The following NOL10 variants were observed in gnomAD, a reference collection of about 807,000 sequenced individuals.
NOL10 encodes the protein nucleolar protein 10.
A neutral mutation model predicts 103.5 loss-of-function variants in NOL10; 58 were observed. The observed-to-expected ratio is 0.56, with a 90% CI of 0.45 to 0.70. NOL10 has a LOEUF of 0.70. NOL10 is among the 30% of genes least tolerant of loss of function. The pLI is 0.00. For missense variants in NOL10, 763 were observed against 807.3 expected, an observed-to-expected ratio of 0.95 and a Z score of 0.67; for synonymous variants, 287 against 282.5, an observed-to-expected ratio of 1.02 and a Z score of -0.16.
intron 1 of NOL10, among the ~76,000 whole-genome samples, chr2:10,687,759 T>C (rs965389473): frequency 6.6e-6 from 1 of 152,128 alleles, no homozygotes; most frequent in African/African-American, 2.4e-5. Flanking sequence ...ATCGAGACCA[T>C]ACCGGCCAAC....
intron 12 of NOL10, among the ~76,000 whole-genome samples, chr2:10,650,304 GCGCA>G (rs754819376): frequency 1.4e-4 from 8 of 56,248 alleles, no homozygotes; most frequent in Non-Finnish European, 5.4e-4. Context: ...GGGACTACAG[GCGCA>G]CAGTGCCACT....
intron 1 of NOL10, 84 bp from the exon 2 acceptor site, chr2:10,684,696 T>G: frequency 5.0e-6 from 5 of 1,007,324 alleles, no homozygotes; most frequent in Non-Finnish European, 7.4e-6. Context: ...ATGCTTATAT[T>G]TAAAAATTCA....
chr2:10,623,351 G>A (rs538911827), intron 13 of NOL10, among the ~76,000 whole-genome samples: 3 of 152,172 alleles, frequency 2.0e-5, no homozygotes, highest in Non-Finnish European at 2.9e-5. Flanking sequence ...TGAACGGACC[G>A]GGGCTCGTGG....
At chr2:10,622,732 T>C (rs1329667540) in intron 13 of NOL10, among the ~76,000 whole-genome samples, 1 of 152,108 alleles carries the variant, frequency 6.6e-6, no homozygotes, top group East Asian at 1.9e-4. Context: ...GATGATTTTT[T>C]TTTCTCCAGA....
intron 15 of NOL10, 52 bp from the exon 16 acceptor site, chr2:10,602,926 T>C: frequency 1.1e-5 from 15 of 1,354,104 alleles, no homozygotes; most frequent in Non-Finnish European, 1.6e-5. Flanking sequence ...TTTGGTAATA[T>C]CATTTTCATA....
chr2:10,661,233 G>A lies in NOL10; in HGVS notation c.677+1726C>T, dbSNP rs560325026. Among the ~76,000 whole-genome samples the A allele has an allele frequency of 3.9e-5, 6 of 152,126 alleles. No individual in the cohort carries two copies. In the South Asian group the frequency reaches 6.2e-4, roughly 16 times the overall value. On this transcript the variant is annotated intron_variant, in intron 9 of 20. Transcript: ENST00000381685. ...TGGGATTACAGGCATGCGCCACCAC[G>A]CCCAGCTAATTTTGTATTTTTAGTA... is the stretch of plus-strand genomic sequence containing the variant.
At chr2:10,689,009 C>T (rs887942189) in intron 1 of NOL10, among the ~76,000 whole-genome samples, 2 of 152,200 alleles carry the variant, frequency 1.3e-5, no homozygotes, top group Non-Finnish European at 2.9e-5. Context: ...TATTTGAAAA[C>T]CACTTTCTAA....
intron 12 of NOL10, among the ~76,000 whole-genome samples, chr2:10,645,852 C>T (rs143876661): frequency 3.1e-4 from 47 of 151,882 alleles, no homozygotes; most frequent in African/African-American, 1.1e-3. Flanking sequence ...ACCAAAACCA[C>T]GTCTTGCCAA....
At chr2:10,638,345 A>AACGTC (rs1678439909) in intron 13 of NOL10, among the ~76,000 whole-genome samples, 1 of 150,900 alleles carries the variant, frequency 6.6e-6, no homozygotes, top group South Asian at 2.1e-4. Flanking sequence ...AACGTAACGT[A>AACGTC]ACGTAACGTA....
chr2:10,676,830 G>T (rs1281116480), intron 3 of NOL10, among the ~76,000 whole-genome samples: 1 of 151,746 alleles, frequency 6.6e-6, no homozygotes, highest in African/African-American at 2.4e-5. Context: ...TAGAGACGGG[G>T]TATCACCATG....
intron 13 of NOL10, among the ~76,000 whole-genome samples, chr2:10,626,579 C>T (rs189483971): frequency 6.6e-6 from 1 of 151,976 alleles, no homozygotes; most frequent in Non-Finnish European, 1.5e-5. Context: ...CTAAAGACAT[C>T]GCCACCTAAG....
chr2:10,644,368 C>G lies in NOL10; in HGVS notation c.978G>C (p.Met326Ile). The change falls in exon 13 of 21, where the codon ATG becomes ATC. Residue 326 changes from methionine (M) to isoleucine (I), a missense_variant. Physicochemically the swap from Met to Ile is conservative, Grantham distance 10. Coordinates refer to ENST00000381685, the MANE Select transcript of NOL10 (RefSeq NM_024894.4). ...NDVCLYPNSG[M>I]LLTANETPKM... Reference sequence around the variant, plus strand: ...TGGGGGTTTCATTGGCCGTCAGAAGCATGCCTAAAAATAAATACAATGAAA... The same window carrying G: ...TGGGGGTTTCATTGGCCGTCAGAAGGATGCCTAAAAATAAATACAATGAAA... 1 of 1,534,840 alleles carries G rather than the reference C, an allele frequency of 6.5e-7. No homozygotes were observed. The highest frequency in any genetic ancestry group is 8.8e-7 in the Non-Finnish European group (1 of 1,141,464).
intron 14 of NOL10, among the ~76,000 whole-genome samples, chr2:10,605,433 G>A (rs1294978172): frequency 6.6e-6 from 1 of 152,102 alleles, no homozygotes; most frequent in African/African-American, 2.4e-5. Flanking sequence ...TATATATTAT[G>A]GGGAAATGAT....
rs1676045825 is a variant in NOL10, at chr2:10,602,765, A to G, written c.1332+11T>C. 3 of 1,502,506 alleles carry G rather than the reference A, an allele frequency of 2.0e-6. No homozygotes were observed. The highest frequency in any genetic ancestry group is 2.8e-6 in the Non-Finnish European group (3 of 1,086,688). 93.1% of individuals were successfully genotyped at this position (1,502,506 alleles called of 1,614,324 possible). A position where few individuals can be genotyped will look rare whatever the true frequency, so the allele number is the denominator to read the frequency against. On this transcript the variant is annotated intron_variant, in intron 16 of 20. Transcript: ENST00000381685. ...TTCTCTGATAAATTCAATGGTAAGT[A>G]TAATATTTACCTTTAACTGGACTCT... is the stretch of plus-strand genomic sequence containing the variant.
At position 10,602,975 on chromosome 2, in the gene NOL10, C is replaced by T. The variant is rs1676059474; in HGVS notation, c.1234-101G>A. 4.9e-6 allele frequency: 6 copies of T among 1,218,672 alleles called. No homozygotes were observed. In the South Asian group the frequency reaches 7.9e-5, roughly 16 times the overall value. The allele number at this position is 1,218,672 out of a possible 1,614,324, so 75.5% of individuals were successfully genotyped here. ...TTATGCCAAAGAACAGGCAGATCCC[C>T]TACAAATCCTATGTATGATTTATGA... On this transcript the variant is annotated intron_variant, in intron 15 of 20. Transcript: ENST00000381685.
At chr2:10,641,297 T>C (rs1016995089) in intron 13 of NOL10, among the ~76,000 whole-genome samples, 1 of 151,858 alleles carries the variant, frequency 6.6e-6, no homozygotes, top group African/African-American at 2.4e-5. Context: ...GAGCCGAGAT[T>C]GTGCCACTGC....
intron 17 of NOL10, among the ~76,000 whole-genome samples, chr2:10,596,905 C>G (rs2148177499): frequency 6.6e-6 from 1 of 152,316 alleles, no homozygotes; most frequent in Non-Finnish European, 1.5e-5. Flanking sequence ...ATGCCCATGC[C>G]TCTCAAAGCT....
chr2:10,672,053 C>T (rs1357560823), intron 5 of NOL10, among the ~76,000 whole-genome samples: 1 of 152,170 alleles, frequency 6.6e-6, no homozygotes, highest in African/African-American at 2.4e-5. Flanking sequence ...CCTGGCCGGG[C>T]ATGGTGGCTC....
At chr2:10,660,132 T>C (rs1367860229) in intron 9 of NOL10, among the ~76,000 whole-genome samples, 2 of 152,170 alleles carry the variant, frequency 1.3e-5, no homozygotes, top group Non-Finnish European at 1.5e-5. Flanking sequence ...GTCCTGGCTG[T>C]TGGCTGTCGG....
Sources: gnomAD v4.1 joint callset for allele counts (sites outside exome capture counted in the v4.1 genomes callset) on GRCh38, gnomAD v4.1.1 for gene constraint, MANE v1.5 for transcripts, NCBI Gene and HGNC (gene_info 2026-07-23, HGNC 2026-07-21) for gene names.